Variants in TANGO6 observed in about 807,000 individuals in gnomAD.
The protein encoded by TANGO6 is transport and golgi organization 6 homolog.
Under a neutral mutation model 114.2 loss-of-function variants are expected in TANGO6, and 90 were observed. The ratio of observed to expected loss-of-function variants is 0.79; its 90% CI spans 0.66 to 0.94. The LOEUF (loss-of-function observed/expected upper bound fraction) is 0.94. Ranked by LOEUF, TANGO6 falls within the 40% of genes least tolerant of loss-of-function variation. TANGO6 has a pLI of 0.00. For synonymous variants in TANGO6, 477 were observed against 509.8 expected (o/e 0.94, Z 0.87); for missense variants, 1,274 against 1,315.3 (o/e 0.97, Z 0.49).
chr16:68,991,439 A>G (rs1342825997), intron 15 of TANGO6, among the ~76,000 whole-genome samples: 1 of 151,998 alleles, frequency 6.6e-6, no homozygotes, highest in Admixed American at 6.6e-5. Flanking sequence ...AACATGGTGA[A>G]ACCCTGCCTC....
At chr16:69,074,788 G>T (rs1960346927) in intron 17 of TANGO6, among the ~76,000 whole-genome samples, 1 of 144,744 alleles carries the variant, frequency 6.9e-6, no homozygotes, top group African/African-American at 2.6e-5. Context: ...AGTCACTCTG[G>T]TTCGAATGCC....
intron 7 of TANGO6, among the ~76,000 whole-genome samples, chr16:68,887,619 A>G (rs147336669): frequency 4.7e-4 from 72 of 152,262 alleles, no homozygotes; most frequent in Middle Eastern, 6.8e-3. Context: ...GCTCATGCCT[A>G]TAATCCCAGC....
chr16:69,034,041 G>C (rs1421320739), intron 16 of TANGO6: 1 of 152,974 alleles, frequency 6.5e-6, no homozygotes, highest in African/African-American at 2.4e-5. Context: ...GTTACTGTTA[G>C]GGACTATGAT....
chr16:68,861,903 T>A (rs1962097559), intron 2 of TANGO6, among the ~76,000 whole-genome samples: 1 of 152,130 alleles, frequency 6.6e-6, no homozygotes, highest in Admixed American at 6.6e-5. Flanking sequence ...GCTGCCCAAG[T>A]TCCAAATGAA....
intron 7 of TANGO6, among the ~76,000 whole-genome samples, chr16:68,887,293 G>A (rs1423743197): frequency 2.0e-5 from 3 of 152,126 alleles, no homozygotes; most frequent in Non-Finnish European, 2.9e-5. Context: ...CCACCCAGTG[G>A]CCACCCCAGA....
chr16:69,026,040 T>G (rs1209359934), intron 16 of TANGO6: 1 of 152,962 alleles, frequency 6.5e-6, no homozygotes, highest in African/African-American at 2.4e-5. Flanking sequence ...TTCACTCTGT[T>G]GCCCAGGCTG....
intron 12 of TANGO6, among the ~76,000 whole-genome samples, chr16:68,921,128 A>AAG (rs1963086532): frequency 6.6e-6 from 1 of 151,074 alleles, no homozygotes; most frequent in African/African-American, 2.4e-5. Context: ...CAAAAAAAAA[A>AAG]AAAAAAAAAA....
At chr16:69,022,042 C>T (rs747472641) in intron 15 of TANGO6, among the ~76,000 whole-genome samples, 1 of 151,812 alleles carries the variant, frequency 6.6e-6, no homozygotes, top group Non-Finnish European at 1.5e-5. Context: ...CCCGCCACCA[C>T]GCCCGGCTAA....
chr16:68,905,698 C>G (rs757779483), intron 9 of TANGO6, among the ~76,000 whole-genome samples: 3 of 151,508 alleles, frequency 2.0e-5, no homozygotes, highest in Non-Finnish European at 2.9e-5. Context: ...GTGGCAAAAC[C>G]CGGTTTCTAC....
chr16:68,957,897 T>A (rs972984207), intron 14 of TANGO6, among the ~76,000 whole-genome samples: 3 of 152,086 alleles, frequency 2.0e-5, no homozygotes, highest in African/African-American at 7.2e-5. Context: ...TCAGGCCACA[T>A]GCAGTGGCTC....
intron 14 of TANGO6, among the ~76,000 whole-genome samples, chr16:68,933,059 A>G (rs1367670574): frequency 1.3e-5 from 2 of 152,172 alleles, no homozygotes; most frequent in East Asian, 1.9e-4. Context: ...TGACTAGGTA[A>G]TAATGTGGTG....
At chr16:68,979,964 C>G (rs1963807917) in intron 15 of TANGO6, among the ~76,000 whole-genome samples, 1 of 151,832 alleles carries the variant, frequency 6.6e-6, no homozygotes, top group African/African-American at 2.4e-5. Flanking sequence ...CTGCCTCAGC[C>G]TCCTGAGTAG....
intron 16 of TANGO6, among the ~76,000 whole-genome samples, chr16:69,036,517 G>A (rs997846239): frequency 6.6e-6 from 1 of 152,122 alleles, no homozygotes; most frequent in Admixed American, 6.6e-5. Context: ...TGATTGTCCT[G>A]GATGGCTGAC....
chr16:68,901,489 CTTGT>C (rs1014289593), intron 8 of TANGO6, among the ~76,000 whole-genome samples: 1 of 152,114 alleles, frequency 6.6e-6, no homozygotes, highest in Admixed American at 6.6e-5. Flanking sequence ...CAAAATAACT[CTTGT>C]TTTTGTTTTT....
chr16:69,081,683 T>G (rs989492152), intron 17 of TANGO6, among the ~76,000 whole-genome samples: 2 of 152,102 alleles, frequency 1.3e-5, no homozygotes, highest in East Asian at 3.8e-4. Flanking sequence ...GAAACCTGTT[T>G]CTTGCTAGAA....
intron 1 of TANGO6, among the ~76,000 whole-genome samples, chr16:68,856,760 A>T (rs900379001): frequency 3.9e-5 from 6 of 152,164 alleles, no homozygotes; most frequent in Non-Finnish European, 1.5e-5. Flanking sequence ...CAAATGCATA[A>T]TATCATATAT....
intron 17 of TANGO6, among the ~76,000 whole-genome samples, chr16:69,048,799 G>C (rs1451761306): frequency 1.3e-5 from 2 of 152,178 alleles, no homozygotes; most frequent in Non-Finnish European, 2.9e-5. Flanking sequence ...TACTCCTAGA[G>C]ATTTCAGGGG....
intron 17 of TANGO6, among the ~76,000 whole-genome samples, chr16:69,044,823 C>T (rs1168558131): frequency 2.0e-5 from 3 of 152,022 alleles, no homozygotes; most frequent in Non-Finnish European, 4.4e-5. Flanking sequence ...TCAAGACCAG[C>T]CAGGGCTACG....
At chr16:68,861,744 C>T (rs1330417808) in intron 2 of TANGO6, among the ~76,000 whole-genome samples, 2 of 152,112 alleles carry the variant, frequency 1.3e-5, no homozygotes, top group Non-Finnish European at 2.9e-5. Context: ...GACAAAGTCC[C>T]ACCAATAGCT....
Sources: allele counts gnomAD v4.1 joint callset (sites outside exome capture counted in the v4.1 genomes callset), GRCh38; gene constraint gnomAD v4.1.1; transcripts MANE v1.5; gene names NCBI Gene and HGNC (gene_info 2026-07-23, HGNC 2026-07-21).